AP4E1: variants seen among roughly 807,000 people sequenced by gnomAD.
The protein encoded by AP4E1 is adaptor related protein complex 4 subunit epsilon 1.
In AP4E1, 56 loss-of-function variants were observed where a neutral mutation model predicts 128.2. That is an observed-to-expected ratio of 0.44 (90% CI 0.35 to 0.55). The LOEUF is 0.55. AP4E1 is among the 20% of genes least tolerant of loss of function. The probability of loss-of-function intolerance (pLI) is 0.00; values close to 1 mark genes in which losing one functional copy is unlikely to be tolerated. For missense variants in AP4E1, 1,324 were observed against 1,307.7 expected, an observed-to-expected ratio of 1.01 and a Z score of -0.19; for synonymous variants, 484 against 473.1, an observed-to-expected ratio of 1.02 and a Z score of -0.30.
chr15:50,923,886 T>G (rs1469460836), intron 3 of AP4E1, 45 bp from the exon 4 acceptor site: 1 of 1,435,466 alleles, frequency 7.0e-7, no homozygotes, highest in African/African-American at 1.4e-5. Context: ...GTGAAAAGTC[T>G]GTTTTTGGTA....
At chr15:50,985,615 G>A (rs12905455) in intron 16 of AP4E1, among the ~76,000 whole-genome samples, 20,738 of 151,996 alleles carry the variant, frequency 0.14, 1,566 homozygotes, top group South Asian at 0.19. Context: ...AAGATCAGAT[G>A]GTTGTAGATG....
chr15:50,923,261 G>A (rs1001002818), intron 3 of AP4E1, among the ~76,000 whole-genome samples: 7 of 152,174 alleles, frequency 4.6e-5, no homozygotes, highest in Non-Finnish European at 1.0e-4. Flanking sequence ...CATGGCATTT[G>A]TTATAGTGTT....
Position 50,999,143 on chromosome 15 carries a change from G to A in AP4E1, c.2976G>A (p.Val992=), listed in dbSNP as rs761149346. The change falls in exon 19 of 21, where the codon GTG becomes GTA. Residue 992 remains valine (V), a synonymous_variant. Transcript: ENST00000261842. Reference sequence around the variant, plus strand: ...GCACCAAAAGCTTTCAATATAGTGTGCAGATAGAAAAACCTTTTACAGAAG... The same window carrying A: ...GCACCAAAAGCTTTCAATATAGTGTACAGATAGAAAAACCTTTTACAGAAG... ...AESTKSFQYS[V]QIEKPFTEGN... The A allele has an allele frequency of 1.2e-6, 2 of 1,613,866 alleles. No homozygotes were observed.
rs1397040243 is a variant in AP4E1 at position 51,003,669 on chromosome 15, A to G, written c.*1007A>G. 6.6e-6 allele frequency: 1 copy of G among 152,656 alleles called. No individual in the cohort carries two copies. Among genetic ancestry groups the G allele is most frequent in the Admixed American group, 6.5e-5 (1 of 15,286 alleles). 9.5% of individuals were successfully genotyped at this position (152,656 alleles called of 1,614,324 possible). On this transcript the variant is annotated 3_prime_UTR_variant, in exon 21 of 21. Transcript: ENST00000261842. The stretch of plus-strand genomic sequence containing the variant: ...TGTGGCCTCTGTCAGAACTATTATC[A>G]GTAAAAGAGGTTAAGCCTATATATG...
chr15:50,924,069 G>C (rs1161704455), intron 4 of AP4E1, 65 bp downstream of exon 4: 2 of 1,333,804 alleles, frequency 1.5e-6, no homozygotes, highest in African/African-American at 1.4e-5. Context: ...ATTTCTCCTC[G>C]ATCATATTCA....
At chr15:50,996,155 A>ATTTT (rs34048744) in intron 17 of AP4E1, among the ~76,000 whole-genome samples, 1 of 113,444 alleles carries the variant, frequency 8.8e-6, no homozygotes. Flanking sequence ...CGCCTGGCTA[A>ATTTT]TTTTTTTTTT....
chr15:51,002,805 C>A lies in AP4E1; in HGVS notation c.*143C>A, dbSNP rs886357894. 2.4e-5 allele frequency: 25 copies of A among 1,047,096 alleles called. 1 individual carries two copies. Among genetic ancestry groups the A allele is most frequent in the Non-Finnish European group, 3.2e-5 (23 of 712,014 alleles). The allele number at this position is 1,047,096 out of a possible 1,614,324, so 64.9% of individuals were successfully genotyped here. A position where few individuals can be genotyped will look rare whatever the true frequency, so the allele number is the denominator to read the frequency against. ...GGTTTATATGTTTTCTTTGTGATTCCTGGTCAAGAAAGATCCCCAAAACTG... is the reference window on the plus strand; with the variant it reads ...GGTTTATATGTTTTCTTTGTGATTCATGGTCAAGAAAGATCCCCAAAACTG... On this transcript the variant is annotated 3_prime_UTR_variant, in exon 21 of 21. Coordinates refer to ENST00000261842, the MANE Select transcript of AP4E1 (RefSeq NM_007347.5).
chr15:50,984,251 C>A, intron 16 of AP4E1, 106 bp downstream of exon 16: 1 of 1,379,844 alleles, frequency 7.2e-7, no homozygotes, highest in Non-Finnish European at 1.0e-6. Flanking sequence ...TCATTATTTG[C>A]TTATTTTAGG....
intron 16 of AP4E1, among the ~76,000 whole-genome samples, chr15:50,984,416 T>G (rs2064687672): frequency 6.6e-6 from 1 of 151,984 alleles, no homozygotes; most frequent in Non-Finnish European, 1.5e-5. Context: ...CATTAACTCG[T>G]CATTTACATT....
At chr15:50,993,784 A>G (rs1044300868) in intron 17 of AP4E1, among the ~76,000 whole-genome samples, 159 bp downstream of exon 17, 1 of 152,228 alleles carries the variant, frequency 6.6e-6, no homozygotes, top group African/African-American at 2.4e-5. Flanking sequence ...ACCACTAATG[A>G]CACAGCTTTT....
Position 51,002,586 on chromosome 15 carries a change from T to C in AP4E1, c.3338T>C (p.Leu1113Pro). 3.7e-6 allele frequency: 6 copies of C among 1,614,192 alleles called. No individual in the cohort carries two copies. Among genetic ancestry groups the C allele is most frequent in the Non-Finnish European group, 2.5e-6 (3 of 1,180,014 alleles). ...CGAGTTCATGCAGATGTATTAGCCC[T>C]GTGGTTCAGATCCTCCTGTTCTACT... ...HCRVHADVLA[L>P]WFRSSCSTLP... The change falls in exon 21 of 21, where the codon CTG (leucine) becomes CCG (proline). Residue 1113 changes from leucine (L) to proline (P), a missense_variant. Leu to Pro is a moderately conservative substitution (Grantham distance 98). Transcript: ENST00000261842.
At chr15:50,985,878 T>C (rs923324227) in intron 16 of AP4E1, among the ~76,000 whole-genome samples, 10 of 152,204 alleles carry the variant, frequency 6.6e-5, no homozygotes, top group Admixed American at 5.9e-4. Context: ...GGGGATGGCA[T>C]TGAATCTATA....
In AP4E1 at chr15:50,962,209, A is replaced by G. The variant is rs188311762; in HGVS notation, c.1851+3415A>G. Among the ~76,000 whole-genome samples the G allele has an allele frequency of 3.9e-5, 6 of 152,112 alleles. No homozygotes were observed. In the East Asian group the frequency reaches 1.2e-3, roughly 29 times the overall value. ...ACTACTCAAACCAATCTACAGATTC[A>G]ATGTACTATCAAAATACCAATGACA... is the stretch of plus-strand genomic sequence containing the variant. On this transcript the variant is annotated intron_variant, in intron 14 of 20. Transcript: ENST00000261842.
chr15:50,931,123 A>C, intron 7 of AP4E1, 152 bp downstream of exon 7: 4 of 989,120 alleles, frequency 4.0e-6, no homozygotes, highest in Non-Finnish European at 6.1e-6. Context: ...AATCACATAA[A>C]TGCTTTCAGG....
At chr15:50,920,395 A>AT (rs2063685625) in intron 3 of AP4E1, among the ~76,000 whole-genome samples, 1 of 140,458 alleles carries the variant, frequency 7.1e-6, no homozygotes, top group Non-Finnish European at 1.5e-5. Context: ...TTACAGGCGT[A>AT]AGCCACCGTG....
rs1048470773 is a variant in AP4E1, at chr15:50,980,130, G to A, written c.1967-3892G>A. On this transcript the variant is annotated intron_variant, in intron 15 of 20. Coordinates refer to ENST00000261842, the MANE Select transcript of AP4E1 (RefSeq NM_007347.5). ...ATGATCAGAAAGTTGTTAGAAATAT[G>A]GGCTTCACTGTCTCTTTATCTCTAA... is the stretch of plus-strand genomic sequence containing the variant. 2.0e-5 allele frequency among the ~76,000 whole-genome samples: 3 copies of A among 152,110 alleles called. No individual in the cohort carries two copies. The East Asian group carries it at 5.8e-4, about 29-fold the overall frequency.
In AP4E1 at chr15:50,949,822, A is replaced by C; in HGVS notation, c.1317-4A>C. The C allele has an allele frequency of 6.2e-7, 1 of 1,601,944 alleles. No individual in the cohort carries two copies. The highest frequency in any genetic ancestry group is 8.6e-7 in the Non-Finnish European group (1 of 1,169,136). ...AGTGTACTTGTTCTTAACACTGTGG[A>C]CACATATGCTCCTGATAATGCATGG... On this transcript the variant is annotated splice_region_variant and splice_polypyrimidine_tract_variant and intron_variant, in intron 11 of 20. Transcript: ENST00000261842.
At chr15:50,983,015 C>G (rs1333924675) in intron 15 of AP4E1, among the ~76,000 whole-genome samples, 1 of 152,030 alleles carries the variant, frequency 6.6e-6, no homozygotes, top group African/African-American at 2.4e-5. Context: ...CTAGACTGTT[C>G]AAAATTTGTC....
chr15:50,910,268 C>A (rs1421818492), intron 1 of AP4E1, among the ~76,000 whole-genome samples: 1 of 152,226 alleles, frequency 6.6e-6, no homozygotes, highest in Non-Finnish European at 1.5e-5. Context: ...CAGGCATGAG[C>A]CACCGCGCCG....
Sources: allele counts gnomAD v4.1 joint callset (sites outside exome capture counted in the v4.1 genomes callset), GRCh38; gene constraint gnomAD v4.1.1; transcripts MANE v1.5; gene names NCBI Gene and HGNC (gene_info 2026-07-23, HGNC 2026-07-21).